SCLT1: variants seen among roughly 807,000 people sequenced by gnomAD.
SCLT1 encodes sodium channel and clathrin linker 1, also known as sodium channel-associated protein 1.
Under a neutral mutation model 112.8 loss-of-function variants are expected in SCLT1, and 78 were observed. That is an observed-to-expected ratio of 0.69 (90% CI 0.58 to 0.83). The LOEUF (loss-of-function observed/expected upper bound fraction) is 0.83, where lower values mean the gene tolerates loss of function less well. Among genes scored for constraint, SCLT1 ranks in the 40% least tolerant of loss-of-function variants. The probability of loss-of-function intolerance (pLI) is 0.00; values close to 1 mark genes in which losing one functional copy is unlikely to be tolerated. For missense variants in SCLT1, 747 were observed against 770.4 expected (o/e 0.97, Z 0.36); for synonymous variants, 257 against 254.7 (o/e 1.01, Z -0.09).
At chr4:129,012,009 GT>G (rs369565845) in intron 5 of SCLT1, among the ~76,000 whole-genome samples, 3 of 152,016 alleles carry the variant, frequency 2.0e-5, no homozygotes, top group Non-Finnish European at 4.4e-5. Flanking sequence ...TCTTCTGGAT[GT>G]TTTTTTGTGT....
In SCLT1 at chr4:129,003,821, C is replaced by T. The variant is rs775412992; in HGVS notation, c.346G>A (p.Gly116Ser). 1.2e-5 allele frequency: 20 copies of T among 1,611,832 alleles called. No individual in the cohort carries two copies. In the East Asian group the frequency reaches 4.0e-4, roughly 32 times the overall value. Residue 116 changes from glycine to serine, a missense_variant, in exon 6 of 21, where the codon GGC (glycine) becomes AGC (serine). Gly to Ser is a moderately conservative substitution (Grantham distance 56). Transcript: ENST00000281142. ...TATATGTCAGTTCCTACCTCTGTGC[C>T]CAGGGGAAAGGCCTCCAATTTTTTT... Reference protein sequence around the residue: ...VEKKLEAFPLGTEVGTDIYAD... With the variant: ...VEKKLEAFPLSTEVGTDIYAD...
chr4:128,973,708 G>GA (rs1255019407), intron 9 of SCLT1, among the ~76,000 whole-genome samples: 3 of 150,602 alleles, frequency 2.0e-5, no homozygotes, highest in Non-Finnish European at 3.0e-5. Flanking sequence ...TAAGTAAAAA[G>GA]AAAAAAAATA....
chr4:128,990,695 TAA>T (rs1334351580), intron 9 of SCLT1, among the ~76,000 whole-genome samples: 1 of 151,054 alleles, frequency 6.6e-6, no homozygotes, highest in East Asian at 1.9e-4. Flanking sequence ...TAGAAAAACC[TAA>T]AGATTCAACC....
chr4:129,076,619 T>C (rs551692677), intron 2 of SCLT1, among the ~76,000 whole-genome samples: 2 of 151,932 alleles, frequency 1.3e-5, no homozygotes, highest in Admixed American at 1.3e-4. Flanking sequence ...TAGATACATA[T>C]ACCGGTGTGG....
At chr4:128,992,580 G>A (rs772559501) in intron 8 of SCLT1, among the ~76,000 whole-genome samples, 3 of 151,862 alleles carry the variant, frequency 2.0e-5, no homozygotes, top group African/African-American at 4.8e-5. Context: ...GAAGGGAACT[G>A]GTATATAAAA....
At chr4:128,939,169 T>G (rs558952294) in intron 17 of SCLT1, among the ~76,000 whole-genome samples, 97 of 152,320 alleles carry the variant, frequency 6.4e-4, no homozygotes, top group Admixed American at 1.2e-3. Context: ...CAAGCTTGTG[T>G]TGTGCCACAC....
At chr4:128,923,683 G>T (rs1280978344) in intron 18 of SCLT1, among the ~76,000 whole-genome samples, 2 of 151,492 alleles carry the variant, frequency 1.3e-5, no homozygotes, top group African/African-American at 4.9e-5. Context: ...ATGTTGTTGA[G>T]TGTATCAGTG....
chr4:128,946,444 C>T (rs1738171618), intron 15 of SCLT1, among the ~76,000 whole-genome samples: 1 of 152,142 alleles, frequency 6.6e-6, no homozygotes, highest in South Asian at 2.1e-4. Flanking sequence ...TGGTGGCTCA[C>T]ACTTGCAGTC....
chr4:129,077,888 G>A (rs1402499677), intron 2 of SCLT1, among the ~76,000 whole-genome samples: 1 of 152,158 alleles, frequency 6.6e-6, no homozygotes. Flanking sequence ...CCAAGGATAT[G>A]GGCATTATTG....
intron 13 of SCLT1, among the ~76,000 whole-genome samples, chr4:128,956,455 T>G (rs1739221227): frequency 6.6e-6 from 1 of 152,132 alleles, no homozygotes; most frequent in Admixed American, 6.5e-5. Context: ...GGGTTTACTT[T>G]GGACTCTGCC....
intron 4 of SCLT1, 34 bp downstream of exon 4, chr4:129,043,361 A>G (rs764461381): frequency 2.8e-6 from 3 of 1,062,548 alleles, no homozygotes; most frequent in Non-Finnish European, 4.3e-6. Context: ...TCATAATAAA[A>G]TATTACAAAA....
At chr4:128,930,230 G>A (rs2125974116) in intron 18 of SCLT1, among the ~76,000 whole-genome samples, 1 of 152,220 alleles carries the variant, frequency 6.6e-6, no homozygotes, top group East Asian at 1.9e-4. Context: ...AAGTCATGAG[G>A]ATACCAAACT....
intron 5 of SCLT1, among the ~76,000 whole-genome samples, chr4:129,005,360 CTG>C (rs1367614405): frequency 6.6e-6 from 1 of 152,060 alleles, no homozygotes; most frequent in Non-Finnish European, 1.5e-5. Context: ...ATCAGAAACA[CTG>C]AGAATTAAAG....
At chr4:129,063,561 C>A (rs1750187207) in intron 2 of SCLT1, among the ~76,000 whole-genome samples, 1 of 152,186 alleles carries the variant, frequency 6.6e-6, no homozygotes, top group Non-Finnish European at 1.5e-5. Flanking sequence ...GTGCACATGA[C>A]AGCCAGCCAT....
rs1041083773 is a variant in SCLT1, at chr4:129,058,788, G to T, written c.103-14737C>A. Among the ~76,000 whole-genome samples, 13 of 152,100 alleles carry T rather than the reference G, an allele frequency of 8.5e-5. 1 individual carries two copies. Among genetic ancestry groups the T allele is most frequent in the African/African-American group, 3.1e-4 (13 of 41,426 alleles). ...CTGTCTAGATGATCAGTCCAATGCTGAGAGTGGGGTGTTAATGTCACCACC... is the reference window on the plus strand; with the variant it reads ...CTGTCTAGATGATCAGTCCAATGCTTAGAGTGGGGTGTTAATGTCACCACC... On this transcript the variant is annotated intron_variant, in intron 2 of 20. Transcript: ENST00000281142.
At chr4:128,883,141 T>TCAACAA (rs1227161496), downstream of SCLT1, among the ~76,000 whole-genome samples, 1 of 106,784 alleles carries the variant, frequency 9.4e-6, no homozygotes. Context: ...TGAGACTCTC[T>TCAACAA]CAACAACAAC....
intron 2 of SCLT1, among the ~76,000 whole-genome samples, chr4:129,078,392 A>AT (rs1404036061): frequency 6.6e-6 from 1 of 151,638 alleles, no homozygotes; most frequent in African/African-American, 2.4e-5. Flanking sequence ...TAAAATAAAA[A>AT]TTTTTTTTTA....
chr4:128,894,224 G>A (rs1486093495), intron 18 of SCLT1, among the ~76,000 whole-genome samples: 1 of 152,268 alleles, frequency 6.6e-6, no homozygotes, highest in Non-Finnish European at 1.5e-5. Context: ...TTACAGGTGT[G>A]AGCCACTGCA....
intron 18 of SCLT1, among the ~76,000 whole-genome samples, chr4:128,901,284 A>G (rs183983686): frequency 6.6e-6 from 1 of 152,346 alleles, no homozygotes; most frequent in African/African-American, 2.4e-5. Context: ...ATGTGCAACA[A>G]TGATAGACTG....
Sources: allele counts gnomAD v4.1 joint callset (sites outside exome capture counted in the v4.1 genomes callset), GRCh38; gene constraint gnomAD v4.1.1; transcripts MANE v1.5; gene names NCBI Gene and HGNC (gene_info 2026-07-23, HGNC 2026-07-21).